The following MBD5 variants were observed in gnomAD, a reference collection of about 807,000 sequenced individuals.
MBD5 encodes the protein methyl-CpG-binding domain protein 5.
In MBD5, 13 loss-of-function variants were observed where a neutral mutation model predicts 117.3. The ratio of observed to expected loss-of-function variants is 0.11; its 90% confidence interval spans 0.07 to 0.18. The LOEUF (loss-of-function observed/expected upper bound fraction) is 0.18. Ranked by LOEUF, MBD5 falls within the 10% of genes least tolerant of loss-of-function variation. MBD5 has a pLI of 1.00. For missense variants in MBD5, 1,879 were observed against 2,093.8 expected (o/e 0.90, Z 2.00); for synonymous variants, 727 against 766.4 (o/e 0.95, Z 0.85).
At chr2:148,377,541 TA>T (rs1368430468) in intron 4 of MBD5, among the ~76,000 whole-genome samples, 1 of 152,222 alleles carries the variant, frequency 6.6e-6, no homozygotes, top group East Asian at 1.9e-4. Context: ...AGCAAACAAA[TA>T]GATGCCTTGT....
At position 148,429,608 on chromosome 2, in the gene MBD5, A is replaced by C. The variant is rs189898675; in HGVS notation, c.-556-28595A>C. On this transcript the variant is annotated intron_variant, in intron 4 of 13. Coordinates refer to ENST00000642680, the MANE Select transcript of MBD5 (RefSeq NM_001378120.1). ...CTTGGAACCAACCCAAATGCTCATCAATGATAGACTGAATAAGGAAAATTT... is the reference window on the plus strand; with the variant it reads ...CTTGGAACCAACCCAAATGCTCATCCATGATAGACTGAATAAGGAAAATTT... Among the ~76,000 whole-genome samples, 382 of 152,318 alleles carry C rather than the reference A, an allele frequency of 2.5e-3. 3 individuals are homozygous for C. The highest frequency in any genetic ancestry group is 0.024 in the Middle Eastern group (7 of 294).
At chr2:148,141,524 G>A (rs1474468235) in intron 1 of MBD5, among the ~76,000 whole-genome samples, 1 of 152,154 alleles carries the variant, frequency 6.6e-6, no homozygotes, top group Non-Finnish European at 1.5e-5. Flanking sequence ...GAATTTGGAG[G>A]AAACTGACAA....
intron 1 of MBD5, among the ~76,000 whole-genome samples, chr2:148,035,218 GAATT>G (rs1398226772): frequency 1.3e-5 from 2 of 151,992 alleles, no homozygotes; most frequent in African/African-American, 2.4e-5. Context: ...TCACAAAGAT[GAATT>G]AATTCTAAGA....
At chr2:148,281,274 T>C (rs1701239377) in intron 3 of MBD5, among the ~76,000 whole-genome samples, 1 of 152,214 alleles carries the variant, frequency 6.6e-6, no homozygotes, top group Admixed American at 6.5e-5. Flanking sequence ...TCTCTGTATC[T>C]CTGTATCACA....
At chr2:148,262,851 A>G (rs1334026065) in intron 3 of MBD5, among the ~76,000 whole-genome samples, 3 of 152,352 alleles carry the variant, frequency 2.0e-5, no homozygotes, top group Admixed American at 2.0e-4. Context: ...TTTTGACTGT[A>G]GTAAAAGCAA....
At chr2:148,390,395 A>G (rs1704530458) in intron 4 of MBD5, among the ~76,000 whole-genome samples, 1 of 151,642 alleles carries the variant, frequency 6.6e-6, no homozygotes, top group Non-Finnish European at 1.5e-5. Context: ...GGGTTAGGGC[A>G]TCAACATTTG....
intron 1 of MBD5, among the ~76,000 whole-genome samples, chr2:148,166,368 A>T (rs1698124866): frequency 6.6e-6 from 1 of 152,176 alleles, no homozygotes; most frequent in Non-Finnish European, 1.5e-5. Flanking sequence ...AGGATTTGAA[A>T]TATTATTCTC....
intron 3 of MBD5, among the ~76,000 whole-genome samples, chr2:148,337,479 A>G (rs1055067616): frequency 3.9e-5 from 6 of 152,252 alleles, no homozygotes; most frequent in African/African-American, 1.2e-4. Flanking sequence ...GGTATAGAAC[A>G]GTATGCATAA....
chr2:148,098,700 C>T (rs1041817474), intron 1 of MBD5, among the ~76,000 whole-genome samples: 2 of 151,984 alleles, frequency 1.3e-5, no homozygotes, highest in Non-Finnish European at 2.9e-5. Flanking sequence ...TTCAGAAGTC[C>T]CGTGGTGATT....
intron 4 of MBD5, among the ~76,000 whole-genome samples, chr2:148,358,225 G>T (rs974329109): frequency 6.6e-6 from 1 of 151,998 alleles, no homozygotes; most frequent in Admixed American, 6.6e-5. Flanking sequence ...ATGGCCAGAG[G>T]AAATGCCATT....
intron 4 of MBD5, among the ~76,000 whole-genome samples, chr2:148,359,952 TA>T (rs1703486252): frequency 6.6e-6 from 1 of 152,100 alleles, no homozygotes. Context: ...CTGAGACACA[TA>T]TTTACTTCCT....
intron 8 of MBD5, among the ~76,000 whole-genome samples, chr2:148,478,553 A>G (rs1199006944): frequency 2.0e-5 from 3 of 152,152 alleles, no homozygotes; most frequent in African/African-American, 7.2e-5. Flanking sequence ...GTGAGACTCC[A>G]TCTCAAAAAG....
At chr2:148,434,889 A>G (rs1706108492) in intron 4 of MBD5, among the ~76,000 whole-genome samples, 1 of 152,128 alleles carries the variant, frequency 6.6e-6, no homozygotes, top group African/African-American at 2.4e-5. Context: ...ATAGGTCTCT[A>G]AGAACTTGTT....
intron 4 of MBD5, among the ~76,000 whole-genome samples, chr2:148,374,268 C>CAT (rs1039280175): frequency 1.3e-5 from 2 of 149,266 alleles, no homozygotes; most frequent in Non-Finnish European, 3.0e-5. Flanking sequence ...CACACACACA[C>CAT]ACACACACGA....
chr2:148,026,347 T>G (rs1423398307), intron 1 of MBD5: 3 of 152,138 alleles, frequency 2.0e-5, no homozygotes, highest in African/African-American at 7.2e-5. Context: ...ATGGAAAATT[T>G]CTGAAAGTTT....
intron 1 of MBD5, among the ~76,000 whole-genome samples, chr2:148,114,954 A>G (rs1696595196): frequency 6.6e-6 from 1 of 152,184 alleles, no homozygotes; most frequent in African/African-American, 2.4e-5. Context: ...CTCCTTATAG[A>G]TAACTACTGA....
intron 4 of MBD5, among the ~76,000 whole-genome samples, chr2:148,410,571 C>T (rs991902718): frequency 2.6e-5 from 4 of 152,158 alleles, no homozygotes; most frequent in Non-Finnish European, 4.4e-5. Context: ...GCTAGGACTA[C>T]AGGCGTGCAC....
intron 1 of MBD5, chr2:148,071,291 T>C (rs1051492576): frequency 9.1e-6 from 1 of 110,314 alleles, no homozygotes; most frequent in African/African-American, 4.3e-5. Context: ...TGTGTGTGTG[T>C]GTGTGTGTGT....
intron 4 of MBD5, 24 bp downstream of exon 4, chr2:148,342,360 T>A (rs1208263925): frequency 6.6e-6 from 1 of 152,054 alleles, no homozygotes; most frequent in Non-Finnish European, 1.5e-5. Context: ...TTTCTCTTCA[T>A]AGATTCTTCA....
Sources: allele counts gnomAD v4.1 joint callset (sites outside exome capture counted in the v4.1 genomes callset), GRCh38; gene constraint gnomAD v4.1.1; transcripts MANE v1.5; gene names NCBI Gene and HGNC (gene_info 2026-07-23, HGNC 2026-07-21).